Variants in LPP observed in about 807,000 individuals in gnomAD.
LPP encodes LIM domain containing preferred translocation partner in lipoma, also known as lipoma-preferred partner.
A neutral mutation model predicts 60.4 loss-of-function variants in LPP; 38 were observed. That is an observed-to-expected ratio of 0.63 (90% confidence interval 0.49 to 0.83). LPP has a LOEUF of 0.83. LPP is among the 40% of genes least tolerant of loss of function. The pLI, the probability that LPP is intolerant of heterozygous loss-of-function variation, is 0.00. For missense variants in LPP, 902 were observed against 783.6 expected (o/e 1.15, Z -1.80); for synonymous variants, 328 against 290.8 (o/e 1.13, Z -1.30).
rs1217763849 is a variant in LPP at position 188,888,642 on chromosome 3, A to G, written c.*14163A>G. The stretch of plus-strand genomic sequence containing the variant: ...TCAAAAAGTGCCTATTCTGAGCAAC[A>G]TAAACGTTATTCCTTACATATGTAT... On this transcript the variant is annotated 3_prime_UTR_variant, in exon 12 of 12. Coordinates refer to ENST00000617246, the MANE Select transcript of LPP (RefSeq NM_001375462.1). 4.5e-6 allele frequency: 1 copy of G among 222,862 alleles called. No individual in the cohort carries two copies. Among genetic ancestry groups the G allele is most frequent in the Non-Finnish European group, 9.0e-6 (1 of 111,476 alleles). 13.8% of individuals were successfully genotyped at this position (222,862 alleles called of 1,614,324 possible).
intron 5 of LPP, among the ~76,000 whole-genome samples, chr3:188,513,734 G>T (rs1020339560): frequency 6.6e-6 from 1 of 151,984 alleles, no homozygotes; most frequent in Admixed American, 6.6e-5. Context: ...ATTTAGTTTT[G>T]CTTTCTTATT....
intron 7 of LPP, among the ~76,000 whole-genome samples, chr3:188,633,147 A>G (rs1848139691): frequency 6.6e-6 from 1 of 152,210 alleles, no homozygotes; most frequent in Non-Finnish European, 1.5e-5. Context: ...TGAACAAGAT[A>G]TGTTGTCACT....
chr3:188,628,907 C>G (rs1847349409), intron 7 of LPP, among the ~76,000 whole-genome samples: 1 of 151,954 alleles, frequency 6.6e-6, no homozygotes, highest in South Asian at 2.1e-4. Flanking sequence ...CTAATTCAAC[C>G]CAATCAAATA....
intron 3 of LPP, among the ~76,000 whole-genome samples, chr3:188,368,667 AACACACACACACTCTCACACACACAC>A (rs1771943417): frequency 8.8e-6 from 1 of 113,884 alleles, no homozygotes; most frequent in African/African-American, 3.2e-5. Flanking sequence ...TTATACTACA[AACACACACACACTCTCACACACACAC>A]ACACACACAC....
chr3:188,510,965 T>C (rs893686729), intron 5 of LPP, among the ~76,000 whole-genome samples: 3 of 152,142 alleles, frequency 2.0e-5, no homozygotes, highest in Non-Finnish European at 2.9e-5. Flanking sequence ...TGGACATTTG[T>C]GGATAAACTA....
Position 188,459,598 on chromosome 3 carries a change from T to G in LPP, c.194-24994T>G, listed in dbSNP as rs148696284. Among the ~76,000 whole-genome samples the G allele has an allele frequency of 1.2e-3, 189 of 152,288 alleles. 5 individuals are homozygous for G. The East Asian group carries it at 0.035, about 28-fold the overall frequency. ...TTAGTATTGACTTTTCCAGGAAACT[T>G]GTTTTATTAGTACTCCTACTTTCCA... On this transcript the variant is annotated intron_variant, in intron 4 of 11. Coordinates refer to ENST00000617246, the MANE Select transcript of LPP (RefSeq NM_001375462.1).
chr3:188,640,068 C>T (rs1374512403), intron 7 of LPP, among the ~76,000 whole-genome samples: 49 of 151,592 alleles, frequency 3.2e-4, no homozygotes, highest in Non-Finnish European at 7.4e-5. Context: ...CACATGCACA[C>T]GTATGTTTAT....
chr3:188,438,475 G>A (rs1169602757), intron 4 of LPP, among the ~76,000 whole-genome samples: 4 of 151,170 alleles, frequency 2.6e-5, no homozygotes, highest in African/African-American at 9.7e-5. Flanking sequence ...GGAAACTGAG[G>A]CCCCAACCAG....
intron 4 of LPP, among the ~76,000 whole-genome samples, chr3:188,475,560 C>CAT (rs1347664922): frequency 6.6e-6 from 1 of 152,134 alleles, no homozygotes; most frequent in Non-Finnish European, 1.5e-5. Context: ...AAATTGGGAC[C>CAT]ATATTATAAG....
Position 188,609,830 on chromosome 3 carries a change from C to A in LPP, c.1099C>A (p.Pro367Thr). The change falls in exon 7 of 12, where the codon CCA becomes ACA. Residue 367 changes from proline (P) to threonine (T), a missense_variant. Pro to Thr is a conservative substitution (Grantham distance 38). Transcript: ENST00000617246. The surrounding 1 kb of genome is among the most constrained non-coding windows in gnomAD (Gnocchi z 6.9). ...TCCTGTTTCAGCCCCCTGTGCGCCA[C>A]CATTGCAGCCAAAGGTAAGAAACTC... Reference protein sequence around the residue: ...TDPVSAPCAPPLQPKGGHSGQ... With the variant: ...TDPVSAPCAPTLQPKGGHSGQ... The A allele has an allele frequency of 6.2e-7, 1 of 1,610,268 alleles. No homozygotes were observed. Among genetic ancestry groups the A allele is most frequent in the Non-Finnish European group, 8.5e-7 (1 of 1,178,474 alleles).
intron 1 of LPP, among the ~76,000 whole-genome samples, chr3:188,175,104 T>C (rs886363343): frequency 2.6e-5 from 4 of 152,216 alleles, no homozygotes; most frequent in African/African-American, 9.6e-5. Flanking sequence ...TTATATTTTT[T>C]GAGTCAGAGT....
At chr3:188,267,455 G>C (rs1735983702) in intron 2 of LPP, among the ~76,000 whole-genome samples, 1 of 152,184 alleles carries the variant, frequency 6.6e-6, no homozygotes. Context: ...CACAAAATGG[G>C]ATGTCAAATC....
intron 9 of LPP, among the ~76,000 whole-genome samples, chr3:188,775,247 T>C (rs1400123724): frequency 6.6e-6 from 1 of 152,078 alleles, no homozygotes; most frequent in Non-Finnish European, 1.5e-5. Flanking sequence ...CAGACGGGGT[T>C]TCACCATGTT....
At chr3:188,575,966 G>A (rs1834517792) in intron 6 of LPP, among the ~76,000 whole-genome samples, 1 of 152,102 alleles carries the variant, frequency 6.6e-6, no homozygotes. Context: ...AGACATGCAT[G>A]GAAATGTTTG....
chr3:188,422,914 TGTG>T (rs1410202380), intron 4 of LPP, among the ~76,000 whole-genome samples: 57 of 6,488 alleles, frequency 8.8e-3, no homozygotes, highest in African/African-American at 0.037. Flanking sequence ...GTGTCTTCTT[TGTG>T]TGTGTGTGTG....
chr3:188,809,505 C>A (rs571308642), intron 9 of LPP, among the ~76,000 whole-genome samples: 1 of 152,122 alleles, frequency 6.6e-6, no homozygotes, highest in African/African-American at 2.4e-5. Flanking sequence ...TGTTCATATC[C>A]TTTGCCCACT....
intron 5 of LPP, among the ~76,000 whole-genome samples, chr3:188,498,078 A>G (rs144709763): frequency 1.3e-5 from 2 of 152,220 alleles, no homozygotes; most frequent in African/African-American, 4.8e-5. Flanking sequence ...TTCTGCAACA[A>G]TTGTTCTTTT....
chr3:188,620,145 T>A (rs539318172), intron 7 of LPP, among the ~76,000 whole-genome samples: 104 of 152,308 alleles, frequency 6.8e-4, no homozygotes, highest in African/African-American at 2.5e-3. Context: ...TTGCATACAG[T>A]ATAATTCGCC....
chr3:188,265,762 C>T (rs572659436), intron 2 of LPP, among the ~76,000 whole-genome samples: 1 of 151,450 alleles, frequency 6.6e-6, no homozygotes, highest in African/African-American at 2.4e-5. Flanking sequence ...TGTATCCAAT[C>T]AGAGAAGTTT....
Sources: allele counts gnomAD v4.1 joint callset (sites outside exome capture counted in the v4.1 genomes callset), GRCh38; gene constraint gnomAD v4.1.1; non-coding constraint Gnocchi (gnomAD v3.1); transcripts MANE v1.5; gene names NCBI Gene and HGNC (gene_info 2026-07-23, HGNC 2026-07-21).